The following PDZRN3 variants were observed in gnomAD, a reference collection of about 807,000 sequenced individuals.
The protein encoded by PDZRN3 is E3 ubiquitin-protein ligase PDZRN3.
Under a neutral mutation model 85.7 loss-of-function variants are expected in PDZRN3, and 38 were observed. That is an observed-to-expected ratio of 0.44 (90% CI 0.34 to 0.58). PDZRN3 has a LOEUF of 0.58. Among genes scored for constraint, PDZRN3 ranks in the 20% least tolerant of loss-of-function variants. The probability of loss-of-function intolerance (pLI) is 0.01; values close to 1 mark genes in which losing one functional copy is unlikely to be tolerated. For missense variants in PDZRN3, 1,629 were observed against 1,506.4 expected (o/e 1.08, Z -1.35); for synonymous variants, 759 against 638.0 (o/e 1.19, Z -2.86).
intron 3 of PDZRN3, among the ~76,000 whole-genome samples, chr3:73,419,583 C>G (rs948503551): frequency 6.6e-6 from 1 of 152,154 alleles, no homozygotes; most frequent in Non-Finnish European, 1.5e-5. Context: ...TTGTTTGGGT[C>G]AGGGATTTTT....
intron 3 of PDZRN3, among the ~76,000 whole-genome samples, chr3:73,460,814 A>C (rs1703088383): frequency 1.3e-5 from 2 of 151,684 alleles, no homozygotes; most frequent in Admixed American, 1.3e-4. Context: ...TTTTTTTGAG[A>C]TGGGAGTCTC....
intron 3 of PDZRN3, among the ~76,000 whole-genome samples, chr3:73,487,744 G>A (rs1175262429): frequency 6.6e-6 from 1 of 152,154 alleles, no homozygotes; most frequent in Non-Finnish European, 1.5e-5. Flanking sequence ...TAATTCCTGT[G>A]TCACTATTTG....
chr3:73,588,568 C>A (rs909418722), intron 3 of PDZRN3, among the ~76,000 whole-genome samples: 1 of 152,126 alleles, frequency 6.6e-6, no homozygotes, highest in Admixed American at 6.5e-5. Flanking sequence ...GTCCTGACTT[C>A]TACTCCCACT....
Position 73,384,189 on chromosome 3 carries a change from C to G in PDZRN3, c.2377G>C (p.Gly793Arg). ...TAGGCTTCCGTGGTCCCCACAGCCCCTTCGCTGCTCGGGCAGCTGATGCCC... is the reference window on the plus strand; with the variant it reads ...TAGGCTTCCGTGGTCCCCACAGCCCGTTCGCTGCTCGGGCAGCTGATGCCC... ...AEGISCPSSEGAVGTTEAYGP... is the reference protein window; with the variant it reads ...AEGISCPSSERAVGTTEAYGP... The change falls in exon 10 of 10, where the codon GGG (glycine) becomes CGG (arginine). Residue 793 changes from glycine (G) to arginine (R), a missense_variant. Coordinates refer to ENST00000263666, the MANE Select transcript of PDZRN3 (RefSeq NM_015009.3). 3 of 1,614,034 alleles carry G rather than the reference C, an allele frequency of 1.9e-6. No homozygotes were observed. The highest frequency in any genetic ancestry group is 2.2e-5 in the East Asian group (1 of 44,840).
intron 3 of PDZRN3, among the ~76,000 whole-genome samples, chr3:73,424,191 A>G (rs113338247): frequency 0.058 from 8,792 of 152,054 alleles, 290 homozygotes; most frequent in Middle Eastern, 0.11. Flanking sequence ...AAAGGGATAT[A>G]TTTGACTTTA....
chr3:73,573,240 G>A (rs566964391), intron 3 of PDZRN3, among the ~76,000 whole-genome samples: 2 of 152,290 alleles, frequency 1.3e-5, no homozygotes, highest in Admixed American at 6.5e-5. Context: ...TCAGTTGCCA[G>A]GGAAAGACAG....
chr3:73,579,345 TTATTA>T (rs910879181), intron 3 of PDZRN3, among the ~76,000 whole-genome samples: 8 of 152,182 alleles, frequency 5.3e-5, no homozygotes, highest in African/African-American at 1.9e-4. Flanking sequence ...TTAAGGCATT[TTATTA>T]TAACAACCTA....
chr3:73,453,354 C>T (rs1465884963), intron 3 of PDZRN3, among the ~76,000 whole-genome samples: 1 of 139,602 alleles, frequency 7.2e-6, no homozygotes, highest in South Asian at 2.3e-4. Context: ...TGCAGTGAGC[C>T]GAGATCTAGC....
chr3:73,548,204 G>C (rs1212158724), intron 3 of PDZRN3, among the ~76,000 whole-genome samples: 1 of 152,212 alleles, frequency 6.6e-6, no homozygotes, highest in Non-Finnish European at 1.5e-5. Flanking sequence ...GCTACGTAGA[G>C]AGAGAGCAAG....
intron 3 of PDZRN3, among the ~76,000 whole-genome samples, chr3:73,541,415 C>T (rs1025537674): frequency 6.6e-6 from 1 of 152,178 alleles, no homozygotes; most frequent in Admixed American, 6.5e-5. Context: ...ATTCATTTAA[C>T]CCACATAAGC....
chr3:73,595,465 T>C (rs192959692), intron 3 of PDZRN3, among the ~76,000 whole-genome samples: 2 of 152,272 alleles, frequency 1.3e-5, no homozygotes, highest in African/African-American at 2.4e-5. Context: ...ATTATGCATA[T>C]CTGTGTGTGT....
chr3:73,619,622 T>C (rs544829291), intron 1 of PDZRN3, among the ~76,000 whole-genome samples: 1 of 152,052 alleles, frequency 6.6e-6, no homozygotes, highest in East Asian at 1.9e-4. Context: ...GAAGAGCAAG[T>C]GCAAAGGCCT....
chr3:73,563,167 C>T (rs1227735285), intron 3 of PDZRN3, among the ~76,000 whole-genome samples: 6 of 149,224 alleles, frequency 4.0e-5, no homozygotes, highest in Admixed American at 6.7e-5. Context: ...TACAGGTGCC[C>T]GCCACCACGC....
intron 5 of PDZRN3, among the ~76,000 whole-genome samples, chr3:73,398,466 T>A (rs914080463): frequency 1.3e-5 from 2 of 152,196 alleles, no homozygotes; most frequent in African/African-American, 2.4e-5. Flanking sequence ...CAGATTCTGA[T>A]TCTGAAGATC....
At chr3:73,440,505 C>T (rs1702613974) in intron 3 of PDZRN3, among the ~76,000 whole-genome samples, 1 of 152,216 alleles carries the variant, frequency 6.6e-6, no homozygotes, top group African/African-American at 2.4e-5. Flanking sequence ...GCTGAGGGGC[C>T]TGAGGCCTCA....
In PDZRN3 at chr3:73,433,828, C is replaced by T. The variant is rs555428111; in HGVS notation, c.919-29433G>A. On this transcript the variant is annotated intron_variant, in intron 3 of 9. Coordinates refer to ENST00000263666, the MANE Select transcript of PDZRN3 (RefSeq NM_015009.3). ...CCTCAGGTGAGTCAAGCGACTGCAA[C>T]GCTTCACATTGGCGCTGCTCTCAGA... 258 of 1,465,800 alleles carry T rather than the reference C, an allele frequency of 1.8e-4. 1 individual carries two copies. The East Asian group carries it at 2.9e-3, about 16-fold the overall frequency. 90.8% of individuals were successfully genotyped at this position (1,465,800 alleles called of 1,614,324 possible).
intron 1 of PDZRN3, chr3:73,621,651 C>T (rs1410881091): frequency 6.6e-6 from 1 of 152,166 alleles, no homozygotes; most frequent in Non-Finnish European, 1.5e-5. Flanking sequence ...AAGGCCTCAG[C>T]TGAGGCCAGG....
At chr3:73,622,348 CA>C (rs1702880117) in intron 1 of PDZRN3, among the ~76,000 whole-genome samples, 1 of 152,156 alleles carries the variant, frequency 6.6e-6, no homozygotes, top group African/African-American at 2.4e-5. Flanking sequence ...TGGGAGAGGG[CA>C]GAGAGAGGCA....
chr3:73,538,898 A>G (rs1704851532), intron 3 of PDZRN3, among the ~76,000 whole-genome samples: 1 of 152,152 alleles, frequency 6.6e-6, no homozygotes, highest in Admixed American at 6.5e-5. Flanking sequence ...GTGTTTCTTT[A>G]AGGTGTCTCT....
Sources: gnomAD v4.1 joint callset for allele counts (sites outside exome capture counted in the v4.1 genomes callset) on GRCh38, gnomAD v4.1.1 for gene constraint, MANE v1.5 for transcripts, NCBI Gene and HGNC (gene_info 2026-07-23, HGNC 2026-07-21) for gene names.